SEMA5A: variants seen among roughly 807,000 people sequenced by gnomAD.
The protein encoded by SEMA5A is semaphorin 5A, also known as semaphorin-5A.
Under a neutral mutation model 135.5 loss-of-function variants are expected in SEMA5A, and 55 were observed. The ratio of observed to expected loss-of-function variants is 0.41; its 90% CI spans 0.33 to 0.51. The LOEUF is 0.51. SEMA5A is among the 20% of genes least tolerant of loss of function. The probability of loss-of-function intolerance (pLI) is 0.37; values close to 1 mark genes in which losing one functional copy is unlikely to be tolerated. For synonymous variants in SEMA5A, 580 were observed against 546.5 expected (o/e 1.06, Z -0.85); for missense variants, 1,290 against 1,419.9 (o/e 0.91, Z 1.47).
At chr5:9,149,616 C>G (rs1353655593) in intron 12 of SEMA5A, among the ~76,000 whole-genome samples, 1 of 152,152 alleles carries the variant, frequency 6.6e-6, no homozygotes, top group Non-Finnish European at 1.5e-5. Flanking sequence ...TGCACTCTAG[C>G]CTGGGTAACA....
intron 5 of SEMA5A, among the ~76,000 whole-genome samples, chr5:9,279,362 G>A (rs1338187309): frequency 1.3e-5 from 2 of 152,176 alleles, no homozygotes; most frequent in Admixed American, 1.3e-4. Flanking sequence ...CTGTTTCTTG[G>A]AAGTAACTAA....
chr5:9,426,625 T>C (rs1246074459), intron 2 of SEMA5A, among the ~76,000 whole-genome samples: 1 of 152,050 alleles, frequency 6.6e-6, no homozygotes, highest in Non-Finnish European at 1.5e-5. Flanking sequence ...CTTTCTACAC[T>C]TGGGGAACTG....
intron 12 of SEMA5A, among the ~76,000 whole-genome samples, chr5:9,145,687 G>A (rs553569091): frequency 6.9e-6 from 1 of 144,150 alleles, no homozygotes; most frequent in East Asian, 2.0e-4. Flanking sequence ...CACCCAGACT[G>A]GAGTGTAGTG....
chr5:9,342,540 T>C (rs1579377572), intron 3 of SEMA5A, among the ~76,000 whole-genome samples: 1 of 152,008 alleles, frequency 6.6e-6, no homozygotes, highest in African/African-American at 2.4e-5. Flanking sequence ...CAGGGGACGG[T>C]GGGTAAAGAT....
Position 9,337,701 on chromosome 5 carries a change from A to G in SEMA5A, c.224+12T>C, listed in dbSNP as rs1377283545. On this transcript the variant is annotated intron_variant, in intron 4 of 22. Coordinates refer to ENST00000382496, the MANE Select transcript of SEMA5A (RefSeq NM_003966.3). ...AAAAATATCTGTGGTGGCAAAATAC[A>G]ATATCTCTCACCTTGCTCCTACAAC... 6.3e-7 allele frequency: 1 copy of G among 1,587,894 alleles called. No homozygotes were observed. The highest frequency in any genetic ancestry group is 8.6e-7 in the Non-Finnish European group (1 of 1,159,190).
chr5:9,084,689 T>C lies in SEMA5A; in HGVS notation c.2074-18043A>G, dbSNP rs565645541. On this transcript the variant is annotated intron_variant, in intron 16 of 22. Transcript: ENST00000382496. ...TTTGTAAATTCCCTTGTCTTGGGTATGTCTTTATCAGCAGTGTGAAAACAA... is the reference window on the plus strand; with the variant it reads ...TTTGTAAATTCCCTTGTCTTGGGTACGTCTTTATCAGCAGTGTGAAAACAA... 3.9e-5 allele frequency among the ~76,000 whole-genome samples: 6 copies of C among 152,294 alleles called. No individual in the cohort carries two copies. The East Asian group carries it at 1.2e-3, about 29-fold the overall frequency.
intron 1 of SEMA5A, among the ~76,000 whole-genome samples, chr5:9,465,615 T>C (rs1182351080): frequency 6.6e-6 from 1 of 152,238 alleles, no homozygotes; most frequent in Non-Finnish European, 1.5e-5. Context: ...ATACTACAAG[T>C]AATCCAGAGA....
chr5:9,258,803 CTTTT>C (rs748703578), intron 5 of SEMA5A, among the ~76,000 whole-genome samples: 2 of 48,982 alleles, frequency 4.1e-5, no homozygotes, highest in African/African-American at 8.4e-5. Context: ...TTCTTTCTTT[CTTTT>C]TTTTTTTTTT....
chr5:9,385,537 C>G (rs1236134324), intron 2 of SEMA5A, among the ~76,000 whole-genome samples: 1 of 152,176 alleles, frequency 6.6e-6, no homozygotes, highest in African/African-American at 2.4e-5. Context: ...CTCCTGCGCC[C>G]ATCCCCTACT....
chr5:9,277,008 C>A (rs985525886), intron 5 of SEMA5A, among the ~76,000 whole-genome samples: 2 of 152,114 alleles, frequency 1.3e-5, no homozygotes, highest in Non-Finnish European at 2.9e-5. Flanking sequence ...AAGAAACTAT[C>A]ATCAGAGTGA....
At chr5:9,325,941 G>A (rs964463639) in intron 4 of SEMA5A, among the ~76,000 whole-genome samples, 5 of 152,178 alleles carry the variant, frequency 3.3e-5, no homozygotes, top group Admixed American at 2.6e-4. Context: ...GGCAGAAGCC[G>A]ATAAAATGTA....
intron 2 of SEMA5A, chr5:9,422,213 A>G (rs1185168510): frequency 1.3e-5 from 2 of 152,228 alleles, no homozygotes; most frequent in African/African-American, 4.8e-5. Context: ...GCTGTCATAC[A>G]CCATCATTAA....
chr5:9,472,980 T>C (rs1368279595), intron 1 of SEMA5A, among the ~76,000 whole-genome samples: 2 of 150,602 alleles, frequency 1.3e-5, no homozygotes, highest in South Asian at 2.1e-4. Context: ...ATTCATGTCA[T>C]GTACGTAGCA....
chr5:9,451,870 C>T (rs191500372), intron 1 of SEMA5A, among the ~76,000 whole-genome samples: 1 of 152,262 alleles, frequency 6.6e-6, no homozygotes, highest in Admixed American at 6.5e-5. Context: ...CTCTCCTTAG[C>T]AGACAAGGCA....
chr5:9,399,337 A>T (rs762859876), intron 2 of SEMA5A, among the ~76,000 whole-genome samples: 1 of 152,196 alleles, frequency 6.6e-6, no homozygotes, highest in Non-Finnish European at 1.5e-5. Context: ...AGCCTTGAAA[A>T]CATGATAAGT....
At chr5:9,123,998 G>A (rs1431082427) in intron 13 of SEMA5A, among the ~76,000 whole-genome samples, 1 of 152,144 alleles carries the variant, frequency 6.6e-6, no homozygotes, top group African/African-American at 2.4e-5. Flanking sequence ...CCAAGTAGAG[G>A]GGCTAGCAAG....
At chr5:9,072,279 G>A (rs917352974) in intron 16 of SEMA5A, among the ~76,000 whole-genome samples, 7 of 152,166 alleles carry the variant, frequency 4.6e-5, no homozygotes, top group Admixed American at 1.3e-4. Flanking sequence ...GCCACAGCAT[G>A]GGGAGCAGAA....
chr5:9,053,218 C>A (rs1455350827), intron 19 of SEMA5A, among the ~76,000 whole-genome samples: 1 of 152,168 alleles, frequency 6.6e-6, no homozygotes, highest in African/African-American at 2.4e-5. Context: ...AGGCCCCAAG[C>A]GCCTGCATCA....
At chr5:9,412,672 T>C (rs1042071612) in intron 2 of SEMA5A, among the ~76,000 whole-genome samples, 1 of 151,582 alleles carries the variant, frequency 6.6e-6, no homozygotes, top group Non-Finnish European at 1.5e-5. Context: ...AAGTCTAATC[T>C]TGAAATCTCT....
Sources: allele counts gnomAD v4.1 joint callset (sites outside exome capture counted in the v4.1 genomes callset), GRCh38; gene constraint gnomAD v4.1.1; transcripts MANE v1.5; gene names NCBI Gene and HGNC (gene_info 2026-07-23, HGNC 2026-07-21).